Variants in LY6D observed in about 807,000 individuals in gnomAD.
LY6D encodes the protein lymphocyte antigen 6 family member D.
LY6D carries 7 observed loss-of-function variants against 5.6 expected under a neutral mutation model. The observed-to-expected ratio is 1.24, with a 90% confidence interval of 0.71 to 2.34. The LOEUF is 2.34. Ranked by LOEUF, LY6D falls within the 30% of genes most tolerant of loss-of-function variation. LY6D has a pLI of 0.00. For synonymous variants in LY6D, 81 were observed against 75.0 expected, an observed-to-expected ratio of 1.08 and a Z score of -0.41; for missense variants, 148 against 164.8, an observed-to-expected ratio of 0.90 and a Z score of 0.56.
At position 142,786,454 on chromosome 8, in the gene LY6D, C is replaced by T. The variant is rs991650204; in HGVS notation, c.52+11G>A. The T allele has an allele frequency of 2.8e-5, 44 of 1,544,932 alleles. No homozygotes were observed. The highest frequency in any genetic ancestry group is 3.8e-5 in the Non-Finnish European group (44 of 1,143,936). ...CGCCCACCCGCCCGTCCCCTTGGCC[C>T]AGCCCCTCACCTGGCCCTGTAGCCA... On this transcript the variant is annotated intron_variant, in intron 1 of 2. Transcript: ENST00000301263.
chr8:142,784,894 A>G lies in LY6D; in HGVS notation c.*327T>C. On this transcript the variant is annotated 3_prime_UTR_variant, in exon 3 of 3. Coordinates refer to ENST00000301263, the MANE Select transcript of LY6D (RefSeq NM_003695.3). ...AGCCACAGCCACACTGGTTTAAATCATTTATCTCCATGTAGAGATTTGAGT... is the reference window on the plus strand; with the variant it reads ...AGCCACAGCCACACTGGTTTAAATCGTTTATCTCCATGTAGAGATTTGAGT... The G allele has an allele frequency of 3.0e-6, 1 of 337,528 alleles. No homozygotes were observed. Among genetic ancestry groups the G allele is most frequent in the Non-Finnish European group, 5.5e-6 (1 of 181,600 alleles). 20.9% of individuals were successfully genotyped at this position (337,528 alleles called of 1,614,324 possible). A position where few individuals can be genotyped will look rare whatever the true frequency, so the allele number is the denominator to read the frequency against.
intron 1 of LY6D, 92 bp downstream of exon 1, chr8:142,786,373 G>A: frequency 6.9e-7 from 1 of 1,458,088 alleles, no homozygotes; most frequent in Non-Finnish European, 9.1e-7. Context: ...GGTTCTCTGT[G>A]CCTAGATGTC....
chr8:142,785,336 A>G lies in LY6D; in HGVS notation c.272T>C (p.Leu91Pro), dbSNP rs760197828. ...TSSTQCCQED[L>P]CNEKLHNAAP... is the part of the protein sequence containing the mutation. Reference sequence around the variant, plus strand: ...AGCGTTGTGCAGCTTCTCATTGCACAGGTCCTCCTGGCAGCACTGGGTGGA... The same window carrying G: ...AGCGTTGTGCAGCTTCTCATTGCACGGGTCCTCCTGGCAGCACTGGGTGGA... The change falls in exon 3 of 3, where the codon CTG becomes CCG. Residue 91 changes from leucine to proline, a missense_variant. Leu to Pro is a moderately conservative substitution (Grantham distance 98). Transcript: ENST00000301263. The G allele has an allele frequency of 9.3e-6, 15 of 1,613,646 alleles. No individual in the cohort carries two copies. The Admixed American group carries it at 2.5e-4, about 27-fold the overall frequency.
intron 2 of LY6D, 38 bp from the exon 3 acceptor site, chr8:142,785,494 C>T: frequency 6.3e-7 from 1 of 1,597,176 alleles, no homozygotes; most frequent in Non-Finnish European, 8.6e-7. Flanking sequence ...AGGCAGCCAC[C>T]TCTGCCCCCC....
At chr8:142,785,757 C>T in intron 1 of LY6D, 70 bp from the exon 2 acceptor site, 1 of 1,586,058 alleles carries the variant, frequency 6.3e-7, no homozygotes, top group South Asian at 1.1e-5. Flanking sequence ...GGCCTGCTCC[C>T]CCACCTGCAG....
At chr8:142,786,374 C>A in intron 1 of LY6D, 91 bp downstream of exon 1, 4 of 1,459,144 alleles carry the variant, frequency 2.7e-6, no homozygotes, top group Non-Finnish European at 3.6e-6. Flanking sequence ...GTTCTCTGTG[C>A]CTAGATGTCG....
In LY6D at chr8:142,785,425, C is replaced by T; in HGVS notation, c.183G>A (p.Lys61=). 1 of 1,613,136 alleles carries T rather than the reference C, an allele frequency of 6.2e-7. No homozygotes were observed. The highest frequency in any genetic ancestry group is 1.1e-5 in the South Asian group (1 of 91,072). Residue 61 remains lysine (K), a synonymous_variant, in exon 3 of 3, where the codon AAG becomes AAA. Transcript: ENST00000301263. ...VEPLRGNLVK[K]DCAESCTPSY... Reference sequence around the variant, plus strand: ...TGGGTGTGCACGACTCCGCACAGTCCTTCTTCACCAGATTCCCCCTCAGAG... The same window carrying T: ...TGGGTGTGCACGACTCCGCACAGTCTTTCTTCACCAGATTCCCCCTCAGAG...
chr8:142,785,875 T>G, intron 1 of LY6D, 188 bp from the exon 2 acceptor site: 6 of 1,425,758 alleles, frequency 4.2e-6, no homozygotes, highest in Non-Finnish European at 1.8e-6. Flanking sequence ...GGGACATGTA[T>G]TCCAGCCTGG....
chr8:142,786,062 C>G, intron 1 of LY6D: 1 of 1,186,256 alleles, frequency 8.4e-7, no homozygotes, highest in Non-Finnish European at 1.0e-6. Context: ...GCTAAGGCCC[C>G]GGGGGCAGCC....
At position 142,786,343 on chromosome 8, in the gene LY6D, T is replaced by G. The variant is rs1231551676; in HGVS notation, c.52+122A>C. 3 of 1,422,666 alleles carry G rather than the reference T, an allele frequency of 2.1e-6. No homozygotes were observed. In the South Asian group the frequency reaches 4.6e-5, roughly 22 times the overall value. The allele number at this position is 1,422,666 out of a possible 1,614,324, so 88.1% of individuals were successfully genotyped here. A position where few individuals can be genotyped will look rare whatever the true frequency, so the allele number is the denominator to read the frequency against. ...TCCATGTTGTTTTAAATTTGAAGAG[T>G]CTAGCACCCACAGTGTCGGGGTTCT... On this transcript the variant is annotated intron_variant, in intron 1 of 2. Transcript: ENST00000301263.
At position 142,785,303 on chromosome 8, in the gene LY6D, G is replaced by A; in HGVS notation, c.305C>T (p.Thr102Ile). The change falls in exon 3 of 3, where the codon ACC becomes ATC. Residue 102 changes from threonine to isoleucine, a missense_variant. Thr to Ile is a moderately conservative substitution (Grantham distance 89). Transcript: ENST00000301263. ...CNEKLHNAAP[T>I]RTALAHSALS... ...GGCACTGTGGGCGAGGGCGGTGCGGGTGGGTGCAGCGTTGTGCAGCTTCTC... is the reference window on the plus strand; with the variant it reads ...GGCACTGTGGGCGAGGGCGGTGCGGATGGGTGCAGCGTTGTGCAGCTTCTC... 1 of 1,613,656 alleles carries A rather than the reference G, an allele frequency of 6.2e-7. No homozygotes were observed. The highest frequency in any genetic ancestry group is 8.5e-7 in the Non-Finnish European group (1 of 1,179,924).
chr8:142,786,430 G>GGGCCCCCCCCCCCCC, intron 1 of LY6D, 35 bp downstream of exon 1: 3 of 1,434,764 alleles, frequency 2.1e-6, no homozygotes, highest in Non-Finnish European at 1.9e-6. Context: ...GGCCACAGCC[G>GGGCCCCCCCCCCCCC]CCCACCCGCC....
intron 1 of LY6D, 161 bp downstream of exon 1, chr8:142,786,304 G>T: frequency 7.3e-7 from 1 of 1,371,438 alleles, no homozygotes. Flanking sequence ...TCTGACACTC[G>T]TTAAGATTCG....
At chr8:142,786,188 G>A (rs1159386775) in intron 1 of LY6D, 20 of 1,282,938 alleles carry the variant, frequency 1.6e-5, no homozygotes, top group Admixed American at 1.1e-4. Flanking sequence ...CTAGATGGCC[G>A]CTCTCCCAGT....
rs1048379884 is a variant in LY6D at position 142,785,413 on chromosome 8, C to A, written c.195G>T (p.Glu65Asp). Residue 65 changes from glutamate (E) to aspartate (D), a missense_variant, in exon 3 of 3, where the codon GAG becomes GAT. Transcript: ENST00000301263. ...RGNLVKKDCA[E>D]SCTPSYTLQG... The stretch of plus-strand genomic sequence containing the variant: ...GCAGGGTGTAGCTGGGTGTGCACGA[C>A]TCCGCACAGTCCTTCTTCACCAGAT... 1.9e-6 allele frequency: 3 copies of A among 1,613,386 alleles called. No homozygotes were observed. The African/African-American group carries it at 4.0e-5, about 22-fold the overall frequency.
chr8:142,785,964 C>G (rs1470477025), intron 1 of LY6D: 1 of 1,322,208 alleles, frequency 7.6e-7, no homozygotes, highest in Non-Finnish European at 9.7e-7. Flanking sequence ...TCAGGGAGCT[C>G]TGCGACTGCC....
intron 1 of LY6D, 26 bp downstream of exon 1, chr8:142,786,439 C>T: frequency 6.5e-7 from 1 of 1,528,382 alleles, no homozygotes; most frequent in Non-Finnish European, 8.8e-7. Flanking sequence ...CGCCCACCCG[C>T]CCGTCCCCTT....
chr8:142,786,430 G>GGGCCCCCCC, intron 1 of LY6D, 35 bp downstream of exon 1: 1 of 1,434,786 alleles, frequency 7.0e-7, no homozygotes, highest in Non-Finnish European at 9.4e-7. Flanking sequence ...GGCCACAGCC[G>GGGCCCCCCC]CCCACCCGCC....
Position 142,785,680 on chromosome 8 carries a change from G to A in LY6D, c.60C>T (p.Thr20=), listed in dbSNP as rs773833849. The change falls in exon 2 of 3, where the codon ACC becomes ACT. Residue 20 remains threonine (T), a synonymous_variant. Transcript: ENST00000301263. ...ALAVATGPAL[T]LRCHVCTSSS... Reference sequence around the variant, plus strand: ...AGCTGGTGCACACGTGGCAGCGCAGGGTAAGGGCTGGCGGGGAGGGAGTCC... The same window carrying A: ...AGCTGGTGCACACGTGGCAGCGCAGAGTAAGGGCTGGCGGGGAGGGAGTCC... 1.2e-6 allele frequency: 2 copies of A among 1,613,398 alleles called. No individual in the cohort carries two copies. The highest frequency in any genetic ancestry group is 1.7e-6 in the Non-Finnish European group (2 of 1,179,962).
Sources: allele counts gnomAD v4.1 joint callset, GRCh38; gene constraint gnomAD v4.1.1; transcripts MANE v1.5; gene names NCBI Gene and HGNC (gene_info 2026-07-23, HGNC 2026-07-21).